Variants in BAALC observed in about 807,000 individuals in gnomAD.
BAALC encodes BAALC binder of MAP3K1 and KLF4.
A neutral mutation model predicts 15.5 loss-of-function variants in BAALC; 9 were observed. The ratio of observed to expected loss-of-function variants is 0.58; its 90% confidence interval spans 0.35 to 1.02. The LOEUF is 1.02. Among genes scored for constraint, BAALC ranks in the 50% least tolerant of loss-of-function variants. The pLI, the probability that BAALC is intolerant of heterozygous loss-of-function variation, is 0.02. For synonymous variants in BAALC, 80 were observed against 74.6 expected (o/e 1.07, Z -0.37); for missense variants, 201 against 192.4 (o/e 1.04, Z -0.27).
chr8:103,216,495 C>G (rs1167930686), intron 2 of BAALC, among the ~76,000 whole-genome samples: 1 of 152,108 alleles, frequency 6.6e-6, no homozygotes, highest in Non-Finnish European at 1.5e-5. Context: ...ATGTATTTAT[C>G]TATTTATTTA....
At chr8:103,213,187 A>C (rs1812490314) in intron 2 of BAALC, 102 bp downstream of exon 2, 1 of 1,287,242 alleles carries the variant, frequency 7.8e-7, no homozygotes, top group African/African-American at 1.5e-5. Flanking sequence ...GGGACCAGGG[A>C]TGGCTCATCT....
intron 2 of BAALC, among the ~76,000 whole-genome samples, chr8:103,223,597 T>A (rs917489984): frequency 2.0e-5 from 3 of 152,018 alleles, no homozygotes; most frequent in African/African-American, 4.8e-5. Flanking sequence ...ATATACAGAT[T>A]TAAGAAATGA....
intron 1 of BAALC, among the ~76,000 whole-genome samples, chr8:103,149,027 G>A (rs1158559057): frequency 6.6e-6 from 1 of 152,182 alleles, no homozygotes; most frequent in African/African-American, 2.4e-5. Flanking sequence ...GCCAGATGAG[G>A]AGCTGGGATT....
intron 1 of BAALC, among the ~76,000 whole-genome samples, chr8:103,182,911 A>G (rs1408523456): frequency 1.3e-5 from 2 of 152,174 alleles, no homozygotes; most frequent in East Asian, 1.9e-4. Context: ...CTTCTTCCCC[A>G]TGGGGACAGG....
At chr8:103,170,631 T>A (rs1377699744) in intron 1 of BAALC, among the ~76,000 whole-genome samples, 3 of 152,194 alleles carry the variant, frequency 2.0e-5, no homozygotes, top group African/African-American at 7.2e-5. Context: ...GATTCTCAGT[T>A]CCTCCAGAAG....
intron 1 of BAALC, among the ~76,000 whole-genome samples, chr8:103,196,275 T>C (rs1442544443): frequency 6.6e-6 from 1 of 151,890 alleles, no homozygotes; most frequent in Non-Finnish European, 1.5e-5. Flanking sequence ...GTTTTTGTTT[T>C]TGTTGTTATT....
intron 2 of BAALC, 108 bp from the exon 3 acceptor site, chr8:103,227,881 A>G: frequency 1.4e-6 from 1 of 722,634 alleles, no homozygotes; most frequent in Middle Eastern, 3.2e-4. Context: ...TCCCAGGCAC[A>G]TTCTCAACTA....
chr8:103,213,217 C>A, intron 2 of BAALC, 132 bp downstream of exon 2: 3 of 1,036,830 alleles, frequency 2.9e-6, no homozygotes, highest in Non-Finnish European at 4.0e-6. Context: ...AAAGTCTCTG[C>A]CCCACCCATG....
chr8:103,152,385 C>T (rs934605356), intron 1 of BAALC, among the ~76,000 whole-genome samples: 2 of 152,166 alleles, frequency 1.3e-5, no homozygotes, highest in African/African-American at 4.8e-5. Flanking sequence ...CACACCCGCC[C>T]CCTCTGTGTG....
chr8:103,200,621 G>A (rs1422034818), intron 1 of BAALC: 5 of 654,100 alleles, frequency 7.6e-6, no homozygotes, highest in Non-Finnish European at 1.4e-5. Context: ...TACCTATACT[G>A]GATAATTTAT....
intron 1 of BAALC, among the ~76,000 whole-genome samples, chr8:103,180,576 C>T (rs543046121): frequency 1.3e-4 from 20 of 152,320 alleles, no homozygotes; most frequent in African/African-American, 4.6e-4. Flanking sequence ...CAAGCCCTTG[C>T]CTCGTTCCTC....
At chr8:103,152,083 T>C (rs927611698) in intron 1 of BAALC, among the ~76,000 whole-genome samples, 1 of 152,088 alleles carries the variant, frequency 6.6e-6, no homozygotes, top group Non-Finnish European at 1.5e-5. Flanking sequence ...CTTCATGTCA[T>C]AGGCAGAACG....
chr8:103,211,114 T>C (rs1245225585), intron 1 of BAALC, among the ~76,000 whole-genome samples: 1 of 152,224 alleles, frequency 6.6e-6, no homozygotes, highest in Non-Finnish European at 1.5e-5. Flanking sequence ...TTGCCAAGTA[T>C]TTGGTAGCCT....
chr8:103,155,028 C>T (rs1417852554), intron 1 of BAALC, among the ~76,000 whole-genome samples: 1 of 151,976 alleles, frequency 6.6e-6, no homozygotes, highest in Non-Finnish European at 1.5e-5. Context: ...TGTTTCATCT[C>T]TGCCTCCATT....
At chr8:103,169,870 C>T (rs1450837794) in intron 1 of BAALC, among the ~76,000 whole-genome samples, 1 of 152,128 alleles carries the variant, frequency 6.6e-6, no homozygotes, top group East Asian at 1.9e-4. Flanking sequence ...GGGAGAGGTC[C>T]TTGGGTTCTA....
At position 103,229,737 on chromosome 8, in the gene BAALC, A is replaced by G. The variant is rs573049348; in HGVS notation, c.*1638A>G. The G allele has an allele frequency of 6.6e-6, 1 of 152,342 alleles. No homozygotes were observed. The highest frequency in any genetic ancestry group is 6.5e-5 in the Admixed American group (1 of 15,304). 9.4% of individuals were successfully genotyped at this position (152,342 alleles called of 1,614,324 possible). ...TGTCTTAAACTAGGTGTTCTAATCA[A>G]TGTACAAGACTTTACCATACACGCA... On this transcript the variant is annotated 3_prime_UTR_variant, in exon 3 of 3. Coordinates refer to ENST00000309982, the MANE Select transcript of BAALC (RefSeq NM_024812.3).
intron 1 of BAALC, among the ~76,000 whole-genome samples, chr8:103,158,342 C>T (rs897879714): frequency 6.6e-6 from 1 of 152,154 alleles, no homozygotes. Flanking sequence ...TAGAGTAGTT[C>T]CTCCTTATCC....
At chr8:103,147,694 G>A (rs530222312) in intron 1 of BAALC, among the ~76,000 whole-genome samples, 2 of 152,114 alleles carry the variant, frequency 1.3e-5, no homozygotes, top group Non-Finnish European at 1.5e-5. Flanking sequence ...CCTGTTCTCG[G>A]ACAATGGTGC....
chr8:103,179,386 C>T (rs368389677), intron 1 of BAALC, among the ~76,000 whole-genome samples: 2 of 152,190 alleles, frequency 1.3e-5, no homozygotes, highest in East Asian at 1.9e-4. Flanking sequence ...CCTAGCATAA[C>T]GTTAATCATC....
Sources: gnomAD v4.1 joint callset for allele counts (sites outside exome capture counted in the v4.1 genomes callset) on GRCh38, gnomAD v4.1.1 for gene constraint, MANE v1.5 for transcripts, NCBI Gene and HGNC (gene_info 2026-07-23, HGNC 2026-07-21) for gene names.